The following PCDH10 variants were observed in gnomAD, a reference collection of about 807,000 sequenced individuals.
PCDH10 encodes the protein protocadherin 10, also known as protocadherin-10.
Under a neutral mutation model 74.4 loss-of-function variants are expected in PCDH10, and 15 were observed. The ratio of observed to expected loss-of-function variants is 0.20; its 90% confidence interval spans 0.13 to 0.31. The LOEUF (loss-of-function observed/expected upper bound fraction) is 0.31. Ranked by LOEUF, PCDH10 falls within the 10% of genes least tolerant of loss-of-function variation. PCDH10 has a pLI of 1.00. For synonymous variants in PCDH10, 619 were observed against 589.8 expected (o/e 1.05, Z -0.72); for missense variants, 1,260 against 1,390.2 (o/e 0.91, Z 1.49).
chr4:133,152,677 C>A lies in PCDH10; in HGVS notation c.2537C>A (p.Thr846Lys). ...AAGCCCTGCAGCCCTTCGCGGAGTA[C>A]GGACACTGAGCACAACCCCTGCGGG... Reference protein sequence around the residue: ...FLKPCSPSRSTDTEHNPCGAI... With the variant: ...FLKPCSPSRSKDTEHNPCGAI... The change falls in exon 1 of 5, where the codon ACG (threonine) becomes AAG (lysine). Residue 846 changes from threonine (T) to lysine (K), a missense_variant. By Grantham distance (78) the Thr-to-Lys change is moderately conservative. This residue lies in a region of PCDH10 where 587 missense variants were observed against 616.9 expected (regional missense o/e 0.95). Transcript: ENST00000264360. 6.2e-7 allele frequency: 1 copy of A among 1,614,198 alleles called. No individual in the cohort carries two copies. Among genetic ancestry groups the A allele is most frequent in the Non-Finnish European group, 8.5e-7 (1 of 1,180,042 alleles).
chr4:133,203,716 G>T (rs1340027948), intron 2 of PCDH10, among the ~76,000 whole-genome samples: 1 of 152,170 alleles, frequency 6.6e-6, no homozygotes, highest in Non-Finnish European at 1.5e-5. Flanking sequence ...AACATGTAAA[G>T]TTTAATAGTT....
chr4:133,160,776 G>A (rs147363991), intron 3 of PCDH10, among the ~76,000 whole-genome samples: 37 of 151,698 alleles, frequency 2.4e-4, no homozygotes, highest in African/African-American at 8.9e-4. Context: ...AATGATATTA[G>A]TTCTAATGTA....
chr4:133,171,156 T>G (rs2125866529), intron 4 of PCDH10, among the ~76,000 whole-genome samples: 1 of 152,240 alleles, frequency 6.6e-6, no homozygotes, highest in African/African-American at 2.4e-5. Flanking sequence ...TTTCCCCACC[T>G]TAAGATTGGC....
intron 4 of PCDH10, among the ~76,000 whole-genome samples, chr4:133,172,403 G>C (rs1358934355): frequency 1.3e-5 from 2 of 151,674 alleles, no homozygotes; most frequent in East Asian, 3.9e-4. Context: ...CAGCTTTACA[G>C]GTAGCAGTTT....
At chr4:133,162,651 TACC>T (rs904838118) in intron 3 of PCDH10, among the ~76,000 whole-genome samples, 2 of 152,190 alleles carry the variant, frequency 1.3e-5, no homozygotes, top group African/African-American at 4.8e-5. Flanking sequence ...AAAAGATGTC[TACC>T]ATTTTTATTC....
intron 4 of PCDH10, among the ~76,000 whole-genome samples, chr4:133,184,645 A>T (rs1370178575): frequency 6.8e-6 from 1 of 147,456 alleles, no homozygotes; most frequent in Non-Finnish European, 1.5e-5. Flanking sequence ...TATTATCTAT[A>T]AATATAAATA....
At chr4:133,206,183 G>A (rs1242668753) in intron 2 of PCDH10, among the ~76,000 whole-genome samples, 1 of 152,002 alleles carries the variant, frequency 6.6e-6, no homozygotes, top group Non-Finnish European at 1.5e-5. Flanking sequence ...TCTGCCTGGA[G>A]GTGTAAGCCT....
chr4:133,173,637 G>A (rs1035137166), intron 4 of PCDH10, among the ~76,000 whole-genome samples: 1 of 151,624 alleles, frequency 6.6e-6, no homozygotes, highest in South Asian at 2.1e-4. Context: ...AAAAGCATTG[G>A]TTTCATTTCC....
intron 4 of PCDH10, among the ~76,000 whole-genome samples, chr4:133,184,450 C>T (rs1394216864): frequency 6.6e-6 from 1 of 151,518 alleles, no homozygotes; most frequent in African/African-American, 2.4e-5. Flanking sequence ...TGGTGAAACC[C>T]CATCTGTACT....
At chr4:133,170,629 A>G (rs922422538) in intron 4 of PCDH10, among the ~76,000 whole-genome samples, 6 of 152,132 alleles carry the variant, frequency 3.9e-5, no homozygotes, top group Non-Finnish European at 8.8e-5. Context: ...AGCTGTTAAC[A>G]TGACAGTATG....
chr4:133,173,444 G>C (rs1367621868), intron 4 of PCDH10, among the ~76,000 whole-genome samples: 1 of 151,980 alleles, frequency 6.6e-6, no homozygotes, highest in African/African-American at 2.4e-5. Context: ...TCTTGCTCCT[G>C]AGGGATATGG....
chr4:133,178,325 C>T (rs1315084961), intron 4 of PCDH10, among the ~76,000 whole-genome samples: 7 of 151,992 alleles, frequency 4.6e-5, no homozygotes, highest in African/African-American at 1.2e-4. Context: ...CAACCTCTGC[C>T]TCCCGGATTC....
intron 2 of PCDH10, among the ~76,000 whole-genome samples, chr4:133,202,649 A>G (rs1016327614): frequency 2.0e-5 from 3 of 152,136 alleles, no homozygotes; most frequent in African/African-American, 7.2e-5. Context: ...GAGTTCATGA[A>G]AATGTACAGA....
At chr4:133,158,409 A>C (rs2125861474) in intron 3 of PCDH10, among the ~76,000 whole-genome samples, 1 of 152,240 alleles carries the variant, frequency 6.6e-6, no homozygotes, top group South Asian at 2.1e-4. Flanking sequence ...AATATGTTGA[A>C]GAGATAATCC....
downstream of PCDH10, among the ~76,000 whole-genome samples, chr4:133,199,433 T>G (rs1044755868): frequency 1.3e-4 from 19 of 150,928 alleles, no homozygotes; most frequent in African/African-American, 4.4e-4. Context: ...ATGAACACAA[T>G]TGACTTAGAA....
chr4:133,204,183 C>G lies in PCDH10; in HGVS notation n.438-3893C>G, dbSNP rs181500343. On this transcript the variant is annotated intron_variant and non_coding_transcript_variant, in intron 2 of 2. Coordinates refer to the PCDH10 transcript ENST00000511112. ...GTTACACAGGAAATGGGCAAGGTGG[C>G]TACCCTTGCCTGAACGGCGGCTCTT... 1.6e-3 allele frequency among the ~76,000 whole-genome samples: 247 copies of G among 152,318 alleles called. 1 individual carries two copies. The highest frequency in any genetic ancestry group is 6.8e-3 in the Middle Eastern group (2 of 294).
chr4:133,188,150 C>T (rs1358854096), intron 4 of PCDH10, among the ~76,000 whole-genome samples: 2 of 151,998 alleles, frequency 1.3e-5, no homozygotes, highest in South Asian at 2.1e-4. Flanking sequence ...TATTATTTGT[C>T]GGTGACAATA....
chr4:133,186,928 G>A (rs890439646), intron 4 of PCDH10, among the ~76,000 whole-genome samples: 3 of 152,072 alleles, frequency 2.0e-5, no homozygotes, highest in Admixed American at 1.3e-4. Context: ...ATGTTTGTCA[G>A]GCTGGTCTCA....
downstream of PCDH10, among the ~76,000 whole-genome samples, chr4:133,199,324 A>ATAATAATAAT (rs1553943471): frequency 2.2e-4 from 31 of 140,054 alleles, no homozygotes; most frequent in Admixed American, 8.6e-4. Flanking sequence ...AATAATAATA[A>ATAATAATAAT]TAATTAATTA....
Sources: gnomAD v4.1 joint callset for allele counts (sites outside exome capture counted in the v4.1 genomes callset) on GRCh38, gnomAD v4.1.1 for gene constraint, gnomAD v4.1.1 regional missense constraint, MANE v1.5 for transcripts, NCBI Gene and HGNC (gene_info 2026-07-23, HGNC 2026-07-21) for gene names.